Variants in CACNB2 observed in about 807,000 individuals in gnomAD.
The protein encoded by CACNB2 is voltage-dependent L-type calcium channel subunit beta-2.
In CACNB2, 42 loss-of-function variants were observed where a neutral mutation model predicts 73.3. The ratio of observed to expected loss-of-function variants is 0.57; its 90% confidence interval spans 0.45 to 0.74. CACNB2 has a LOEUF of 0.74. Ranked by LOEUF, CACNB2 falls within the 30% of genes least tolerant of loss-of-function variation. The pLI, the probability that CACNB2 is intolerant of heterozygous loss-of-function variation, is 0.00. For synonymous variants in CACNB2, 348 were observed against 310.3 expected (o/e 1.12, Z -1.28); for missense variants, 940 against 853.0 (o/e 1.10, Z -1.27).
intron 3 of CACNB2, among the ~76,000 whole-genome samples, chr10:18,433,045 T>C (rs2045967349): frequency 6.6e-6 from 1 of 152,134 alleles, no homozygotes; most frequent in Admixed American, 6.6e-5. Flanking sequence ...TGTTTACATT[T>C]TTTTTTACCT....
chr10:18,186,393 T>G (rs1021321239), intron 2 of CACNB2, among the ~76,000 whole-genome samples: 38 of 150,726 alleles, frequency 2.5e-4, no homozygotes, highest in African/African-American at 8.8e-4. Flanking sequence ...CACTCCAGCC[T>G]GGGCAACAAG....
chr10:18,219,095 G>T (rs527285651), intron 2 of CACNB2, among the ~76,000 whole-genome samples: 1 of 152,152 alleles, frequency 6.6e-6, no homozygotes, highest in Admixed American at 6.5e-5. Context: ...AGCCTGGGAG[G>T]TCGAGGCTCC....
intron 9 of CACNB2, among the ~76,000 whole-genome samples, chr10:18,519,454 G>C (rs1487064295): frequency 6.6e-6 from 1 of 152,172 alleles, no homozygotes; most frequent in Non-Finnish European, 1.5e-5. Flanking sequence ...CGCCTGTGGA[G>C]TTGCATGTTT....
At chr10:18,324,850 C>T (rs866204668) in intron 2 of CACNB2, among the ~76,000 whole-genome samples, 1 of 152,166 alleles carries the variant, frequency 6.6e-6, no homozygotes, top group Non-Finnish European at 1.5e-5. Context: ...AGCAACAGAG[C>T]GTGACTCCAT....
chr10:18,231,032 AG>A (rs2036205549), intron 2 of CACNB2, among the ~76,000 whole-genome samples: 1 of 152,190 alleles, frequency 6.6e-6, no homozygotes, highest in South Asian at 2.1e-4. Flanking sequence ...GATGCGTCTC[AG>A]TGTTTTGTGT....
chr10:18,526,209 T>C (rs1455543460), intron 9 of CACNB2, among the ~76,000 whole-genome samples: 1 of 152,234 alleles, frequency 6.6e-6, no homozygotes, highest in African/African-American at 2.4e-5. Flanking sequence ...GGCAGTCAGA[T>C]TCCCCAGAGA....
At chr10:18,325,830 C>T (rs555825986) in intron 2 of CACNB2, among the ~76,000 whole-genome samples, 64 of 151,780 alleles carry the variant, frequency 4.2e-4, no homozygotes, top group African/African-American at 1.5e-3. Flanking sequence ...CTGCAGCCTC[C>T]ACCTCCCAGA....
At chr10:18,362,743 C>T (rs1385052041) in intron 2 of CACNB2, among the ~76,000 whole-genome samples, 1 of 152,060 alleles carries the variant, frequency 6.6e-6, no homozygotes, top group East Asian at 1.9e-4. Flanking sequence ...ATGGTGAAAA[C>T]CCGTCTCTAC....
chr10:18,457,240 G>A (rs972689610), intron 3 of CACNB2, among the ~76,000 whole-genome samples: 21 of 151,960 alleles, frequency 1.4e-4, no homozygotes, highest in African/African-American at 4.4e-4. Flanking sequence ...ACAGACATGC[G>A]CCACCACAAC....
intron 2 of CACNB2, among the ~76,000 whole-genome samples, chr10:18,394,224 T>C (rs1035404042): frequency 1.3e-5 from 2 of 152,168 alleles, no homozygotes; most frequent in African/African-American, 4.8e-5. Flanking sequence ...CCCAAAGTGC[T>C]GGGATTTCAC....
intron 3 of CACNB2, among the ~76,000 whole-genome samples, chr10:18,438,079 G>A (rs2046231233): frequency 8.5e-6 from 1 of 117,440 alleles, no homozygotes; most frequent in Admixed American, 1.2e-4. Context: ...ATGCAGTGGC[G>A]CTATCTCGGT....
chr10:18,420,314 TACAC>T (rs56183878), intron 3 of CACNB2, among the ~76,000 whole-genome samples: 18,828 of 135,886 alleles, frequency 0.14, 1,467 homozygotes, highest in African/African-American at 0.24. Context: ...TAAACACACA[TACAC>T]ACACACACAC....
rs1175251813 is a variant in CACNB2 at position 18,496,846 on chromosome 10, A to G, written c.334-1509A>G. Among the ~76,000 whole-genome samples, 3 of 150,602 alleles carry G rather than the reference A, an allele frequency of 2.0e-5. No individual in the cohort carries two copies. In the South Asian group the frequency reaches 6.3e-4, roughly 31 times the overall value. ...AAAAAAAAAAAAAAGGAAAAAAAGA[A>G]AAAAAAAGTAGGTTAAAAGGAATAT... is the stretch of plus-strand genomic sequence containing the variant. On this transcript the variant is annotated intron_variant, in intron 3 of 13. Coordinates refer to ENST00000324631, the MANE Select transcript of CACNB2 (RefSeq NM_201596.3).
chr10:18,438,497 A>G (rs1437612588), intron 3 of CACNB2, among the ~76,000 whole-genome samples: 1 of 152,194 alleles, frequency 6.6e-6, no homozygotes. Context: ...CCCAACAGCC[A>G]ATGGGCGGTA....
Position 18,498,917 on chromosome 10 carries a change from C to G in CACNB2, c.456+440C>G, listed in dbSNP as rs181123051. ...ACAAACTACTGATGACCTTTTTCCT[C>G]CTTAAATGCTAAATTTCTGCAGTGG... On this transcript the variant is annotated intron_variant, in intron 4 of 13. Coordinates refer to ENST00000324631, the MANE Select transcript of CACNB2 (RefSeq NM_201596.3). 12 of 178,228 alleles carry G rather than the reference C, an allele frequency of 6.7e-5. No homozygotes were observed. The Admixed American group carries it at 6.8e-4, about 10-fold the overall frequency. The allele number at this position is 178,228 out of a possible 1,614,324, so 11.0% of individuals were successfully genotyped here.
At chr10:18,231,513 T>A (rs1456323762) in intron 2 of CACNB2, among the ~76,000 whole-genome samples, 1 of 152,200 alleles carries the variant, frequency 6.6e-6, no homozygotes, top group African/African-American at 2.4e-5. Flanking sequence ...TATCTCTTTA[T>A]GTATTTGAAT....
At chr10:18,150,855 C>CTTTTTTTATTTTTTT in intron 1 of CACNB2, 28 bp from the exon 2 acceptor site, 1 of 483,392 alleles carries the variant, frequency 2.1e-6, no homozygotes, top group Non-Finnish European at 3.1e-6. Flanking sequence ...TCTTATTTGT[C>CTTTTTTTATTTTTTT]TTTTTTTTTT....
intron 9 of CACNB2, among the ~76,000 whole-genome samples, chr10:18,520,859 T>C (rs1256945318): frequency 6.6e-6 from 1 of 152,244 alleles, no homozygotes; most frequent in East Asian, 1.9e-4. Context: ...TATGCACACA[T>C]ACACATGCAC....
At chr10:18,228,438 AAAAAAAAAAAAG>A (rs1179086302) in intron 2 of CACNB2, among the ~76,000 whole-genome samples, 8 of 148,694 alleles carry the variant, frequency 5.4e-5, no homozygotes, top group East Asian at 2.0e-4. Flanking sequence ...TACCTCAAAA[AAAAAAAAAAAAG>A]AAAAAAAAAA....
Sources: allele counts gnomAD v4.1 joint callset (sites outside exome capture counted in the v4.1 genomes callset), GRCh38; gene constraint gnomAD v4.1.1; transcripts MANE v1.5; gene names NCBI Gene and HGNC (gene_info 2026-07-23, HGNC 2026-07-21).